MICU2: variants seen among roughly 807,000 people sequenced by gnomAD.
MICU2 encodes calcium uptake protein 2, mitochondrial.
In MICU2, 64 loss-of-function variants were observed where a neutral mutation model predicts 60.4. That is an observed-to-expected ratio of 1.06 (90% CI 0.87 to 1.31). MICU2 has a LOEUF of 1.31. Ranked by LOEUF, MICU2 falls within the 50% of genes most tolerant of loss-of-function variation. MICU2 has a pLI of 0.00. For missense variants in MICU2, 569 were observed against 531.0 expected (o/e 1.07, Z -0.70); for synonymous variants, 201 against 175.0 (o/e 1.15, Z -1.17).
intron 4 of MICU2, among the ~76,000 whole-genome samples, chr13:21,526,313 ACCTTT>A (rs767446576): frequency 1.3e-5 from 2 of 151,262 alleles, no homozygotes; most frequent in Non-Finnish European, 2.9e-5. Context: ...TTTTGCCCCT[ACCTTT>A]CAATTTAATT....
intron 2 of MICU2, among the ~76,000 whole-genome samples, chr13:21,566,453 A>G (rs1887983692): frequency 6.6e-6 from 1 of 152,082 alleles, no homozygotes; most frequent in Non-Finnish European, 1.5e-5. Flanking sequence ...TACCTGTGAC[A>G]TCATGACTGC....
In MICU2 at chr13:21,567,856, G is replaced by A. The variant is rs73158445; in HGVS notation, c.211-912C>T. On this transcript the variant is annotated intron_variant, in intron 1 of 11. Coordinates refer to ENST00000382374, the MANE Select transcript of MICU2 (RefSeq NM_152726.3). ...CGGCAGAGGCAGGCTAAAAAGCTAG[G>A]TCTGACTCAAAGGGTTTTAATCTCT... is the stretch of plus-strand genomic sequence containing the variant. Among the ~76,000 whole-genome samples, 685 of 152,258 alleles carry A rather than the reference G, an allele frequency of 4.5e-3. 3 individuals are homozygous for A. Among genetic ancestry groups the A allele is most frequent in the Non-Finnish European group, 7.9e-3 (535 of 68,022 alleles).
rs190583601 is a variant in MICU2, at chr13:21,539,982, A to G, written c.359-294T>C. Among the ~76,000 whole-genome samples, 316 of 152,328 alleles carry G rather than the reference A, an allele frequency of 2.1e-3. 1 individual carries two copies. Among genetic ancestry groups the G allele is most frequent in the African/African-American group, 7.1e-3 (295 of 41,586 alleles). ...ATGATTTATCCTAGTTGTATGAATC[A>G]TATTATTAATTCTTGTCAAACATAA... On this transcript the variant is annotated intron_variant, in intron 2 of 11. Coordinates refer to ENST00000382374, the MANE Select transcript of MICU2 (RefSeq NM_152726.3).
rs569968104 is a variant in MICU2, at chr13:21,536,741, T to C, written c.466+2561A>G. On this transcript the variant is annotated intron_variant, in intron 4 of 11. Coordinates refer to ENST00000382374, the MANE Select transcript of MICU2 (RefSeq NM_152726.3). ...ACCACTGATTTAGAAATTACATTTG[T>C]TTCTTAATTCTCCAATTCCTTCTTT... Among the ~76,000 whole-genome samples, 8 of 152,370 alleles carry C rather than the reference T, an allele frequency of 5.3e-5. No individual in the cohort carries two copies. In the South Asian group the frequency reaches 1.2e-3, roughly 24 times the overall value.
rs946163962 is a variant in MICU2 at position 21,604,046 on chromosome 13, A to G, written c.103T>C (p.Leu35=). ...SRQAVRSPGP[L]AAAVAGAALA... The stretch of plus-strand genomic sequence containing the variant: ...GCCGCGCCGGCCACTGCCGCTGCCA[A>G]GGGGCCGGGACTCCGCACAGCCTGT... Residue 35 remains leucine (L), a synonymous_variant, in exon 1 of 12, where the codon TTG becomes CTG. Coordinates refer to ENST00000382374, the MANE Select transcript of MICU2 (RefSeq NM_152726.3). 5 of 1,605,974 alleles carry G rather than the reference A, an allele frequency of 3.1e-6. No individual in the cohort carries two copies. The African/African-American group carries it at 6.7e-5, about 22-fold the overall frequency.
intron 4 of MICU2, among the ~76,000 whole-genome samples, chr13:21,538,391 G>A (rs1481884117): frequency 1.3e-5 from 2 of 151,776 alleles, no homozygotes; most frequent in African/African-American, 4.8e-5. Flanking sequence ...GCAATGTAGT[G>A]AGACTCCCGT....
chr13:21,553,562 C>T (rs529242855), intron 2 of MICU2, among the ~76,000 whole-genome samples: 1 of 152,120 alleles, frequency 6.6e-6, no homozygotes, highest in Non-Finnish European at 1.5e-5. Context: ...ACAACTGGTA[C>T]CAGCCACTGC....
intron 1 of MICU2, among the ~76,000 whole-genome samples, chr13:21,591,582 T>C (rs1200035): frequency 0.54 from 82,448 of 151,742 alleles, 24,117 homozygotes; most frequent in East Asian, 1. Flanking sequence ...ACATTCTTCT[T>C]AGAGCCACAT....
rs145622329 is a variant in MICU2 at position 21,594,409 on chromosome 13, G to C, written c.210+9530C>G. ...ATACTGGCAAGGCTATGGAGAAATA[G>C]GAACACTTTTACACTATTGGTGGGA... On this transcript the variant is annotated intron_variant, in intron 1 of 11. Coordinates refer to ENST00000382374, the MANE Select transcript of MICU2 (RefSeq NM_152726.3). Among the ~76,000 whole-genome samples the C allele has an allele frequency of 2.5e-3, 377 of 152,270 alleles. 1 individual carries two copies. Among genetic ancestry groups the C allele is most frequent in the African/African-American group, 8.7e-3 (363 of 41,544 alleles).
chr13:21,579,968 T>C (rs1422518687), intron 1 of MICU2, among the ~76,000 whole-genome samples: 1 of 152,178 alleles, frequency 6.6e-6, no homozygotes, highest in African/African-American at 2.4e-5. Context: ...TGCTTTACAG[T>C]AGCACCAAGC....
chr13:21,603,049 A>G (rs1258803334), intron 1 of MICU2, among the ~76,000 whole-genome samples: 1 of 149,854 alleles, frequency 6.7e-6, no homozygotes, highest in Non-Finnish European at 1.5e-5. Context: ...GCTCACTGCA[A>G]CCTCCGCCTC....
At chr13:21,588,384 A>G (rs560518627) in intron 1 of MICU2, among the ~76,000 whole-genome samples, 2 of 152,178 alleles carry the variant, frequency 1.3e-5, no homozygotes, top group African/African-American at 2.4e-5. Context: ...CGTGGGCTGC[A>G]TGGTAGTTCT....
intron 10 of MICU2, 59 bp from the exon 11 acceptor site, chr13:21,495,377 T>C: frequency 7.3e-7 from 1 of 1,364,572 alleles, no homozygotes; most frequent in Non-Finnish European, 9.6e-7. Flanking sequence ...GTGAAATTAA[T>C]CTAAATTTTC....
intron 2 of MICU2, among the ~76,000 whole-genome samples, chr13:21,539,984 A>G (rs1887242279): frequency 6.6e-6 from 1 of 152,188 alleles, no homozygotes; most frequent in African/African-American, 2.4e-5. Context: ...TATGAATCAT[A>G]TTATTAATTC....
intron 4 of MICU2, among the ~76,000 whole-genome samples, chr13:21,538,415 A>T (rs574560695): frequency 1.3e-5 from 2 of 151,912 alleles, no homozygotes; most frequent in East Asian, 1.9e-4. Context: ...TACTAAAATT[A>T]AAAAAAATTA....
At chr13:21,519,795 G>A (rs1886671834) in intron 6 of MICU2, among the ~76,000 whole-genome samples, 1 of 152,166 alleles carries the variant, frequency 6.6e-6, no homozygotes, top group Non-Finnish European at 1.5e-5. Context: ...CAAATGAGGA[G>A]GGCTGACAAT....
chr13:21,584,178 A>T (rs1203176056), intron 1 of MICU2, among the ~76,000 whole-genome samples: 1 of 152,052 alleles, frequency 6.6e-6, no homozygotes, highest in African/African-American at 2.4e-5. Flanking sequence ...TCATGAGGTC[A>T]GGAGATCGAG....
At chr13:21,579,656 A>G (rs1417136140) in intron 1 of MICU2, among the ~76,000 whole-genome samples, 1 of 152,208 alleles carries the variant, frequency 6.6e-6, no homozygotes, top group Non-Finnish European at 1.5e-5. Context: ...GCTCTGCTTT[A>G]TATCAGTTAT....
chr13:21,592,297 T>C (rs996051623), intron 1 of MICU2, among the ~76,000 whole-genome samples: 2 of 152,136 alleles, frequency 1.3e-5, no homozygotes, highest in Non-Finnish European at 2.9e-5. Context: ...ACATACACCT[T>C]ACCAAGACTA....
Sources: allele counts gnomAD v4.1 joint callset (sites outside exome capture counted in the v4.1 genomes callset), GRCh38; gene constraint gnomAD v4.1.1; transcripts MANE v1.5; gene names NCBI Gene and HGNC (gene_info 2026-07-23, HGNC 2026-07-21).